The following ATRNL1 variants were observed in gnomAD, a reference collection of about 807,000 sequenced individuals.
ATRNL1 encodes the protein attractin-like protein 1.
A neutral mutation model predicts 182.7 loss-of-function variants in ATRNL1; 95 were observed. The observed-to-expected ratio is 0.52, with a 90% confidence interval of 0.44 to 0.62. The LOEUF (loss-of-function observed/expected upper bound fraction) is 0.62, where lower values mean the gene tolerates loss of function less well. Ranked by LOEUF, ATRNL1 falls within the 20% of genes least tolerant of loss-of-function variation. The pLI, the probability that ATRNL1 is intolerant of heterozygous loss-of-function variation, is 0.00. For synonymous variants in ATRNL1, 576 were observed against 568.3 expected, an observed-to-expected ratio of 1.01 and a Z score of -0.19; for missense variants, 1,471 against 1,679.5, an observed-to-expected ratio of 0.88 and a Z score of 2.17.
At position 115,184,200 on chromosome 10, in the gene ATRNL1, C is replaced by T. The variant is rs1554888336; in HGVS notation, c.1348+12908C>T. ...ATTAAAAAAATCACATTTCTAATAA[C>T]GCTTGAGAAAATGGGAATGGATGGC... On this transcript the variant is annotated intron_variant, in intron 8 of 28. Coordinates refer to ENST00000355044, the MANE Select transcript of ATRNL1 (RefSeq NM_207303.4). 4.0e-5 allele frequency among the ~76,000 whole-genome samples: 6 copies of T among 151,202 alleles called. No homozygotes were observed. The South Asian group carries it at 6.2e-4, about 16-fold the overall frequency.
intron 8 of ATRNL1, among the ~76,000 whole-genome samples, chr10:115,196,082 G>A (rs1293415074): frequency 2.0e-5 from 3 of 152,048 alleles, no homozygotes; most frequent in African/African-American, 7.2e-5. Context: ...GACTGCTGGA[G>A]CCCAAGAGTT....
At chr10:115,370,389 G>C (rs1857330776) in intron 19 of ATRNL1, among the ~76,000 whole-genome samples, 2 of 152,186 alleles carry the variant, frequency 1.3e-5, no homozygotes, top group African/African-American at 4.8e-5. Flanking sequence ...GTGGGAAAGT[G>C]TGGAACTCCC....
In ATRNL1 at chr10:115,160,219, GTATT is replaced by G. The variant is rs782651559; in HGVS notation, c.1004+11_1004+14del. ...TTCTTTTCAAATGGTCCTAAAGTAA[GTATT>G]TATTTTCAGATTCTTGCTGTTTTTT... On this transcript the variant is annotated splice_donor_region_variant and intron_variant, in intron 6 of 28. Transcript: ENST00000355044. 15 of 1,576,174 alleles carry G rather than the reference GTATT, an allele frequency of 9.5e-6. No homozygotes were observed. The South Asian group carries it at 1.8e-4, about 18-fold the overall frequency.
chr10:115,905,387 A>ATTT (rs112510400), intron 28 of ATRNL1, among the ~76,000 whole-genome samples: 1 of 142,332 alleles, frequency 7.0e-6, no homozygotes, highest in African/African-American at 2.6e-5. Context: ...CACCCAGCTA[A>ATTT]TTTTTTTTTT....
At chr10:115,879,305 C>CAAAAAAAAAAAAAAAA (rs140716871) in intron 28 of ATRNL1, among the ~76,000 whole-genome samples, 2 of 107,992 alleles carry the variant, frequency 1.9e-5, no homozygotes, top group Admixed American at 1.0e-4. Flanking sequence ...CTCTCTATCT[C>CAAAAAAAAAAAAAAAA]AAAAAAAAAA....
chr10:115,326,270 A>C (rs1275808377), intron 18 of ATRNL1, among the ~76,000 whole-genome samples: 1 of 152,162 alleles, frequency 6.6e-6, no homozygotes, highest in Non-Finnish European at 1.5e-5. Flanking sequence ...AAAAATCACA[A>C]GCATTCTTAT....
chr10:115,724,255 C>A (rs1947525943), intron 26 of ATRNL1, among the ~76,000 whole-genome samples: 1 of 152,148 alleles, frequency 6.6e-6, no homozygotes, highest in African/African-American at 2.4e-5. Context: ...TGGTGGAAGG[C>A]AGTTCCAAAT....
intron 26 of ATRNL1, among the ~76,000 whole-genome samples, chr10:115,568,398 A>G (rs1854193740): frequency 6.6e-6 from 1 of 152,238 alleles, no homozygotes; most frequent in Non-Finnish European, 1.5e-5. Flanking sequence ...AGGATGCCCA[A>G]TTACTAAAGC....
intron 26 of ATRNL1, among the ~76,000 whole-genome samples, chr10:115,651,752 G>A (rs566852610): frequency 4.2e-4 from 64 of 152,268 alleles, no homozygotes; most frequent in African/African-American, 1.4e-3. Flanking sequence ...TTAATAAGAA[G>A]ATGCAATGAT....
chr10:115,110,697 A>G (rs1844219238), intron 1 of ATRNL1, among the ~76,000 whole-genome samples: 1 of 152,240 alleles, frequency 6.6e-6, no homozygotes, highest in African/African-American at 2.4e-5. Context: ...ATATTTAGCA[A>G]TACATAGTTG....
intron 27 of ATRNL1, among the ~76,000 whole-genome samples, chr10:115,800,220 C>CAA (rs879958061): frequency 9.9e-5 from 10 of 101,328 alleles, no homozygotes; most frequent in African/African-American, 3.1e-4. Context: ...AACTCCATCT[C>CAA]AAAAAAAAAA....
At chr10:115,424,285 T>C (rs1554962468) in intron 20 of ATRNL1, among the ~76,000 whole-genome samples, 4 of 152,112 alleles carry the variant, frequency 2.6e-5, no homozygotes, top group Admixed American at 2.0e-4. Context: ...AAATAACAAA[T>C]ACTGGCGAGG....
rs1299718267 is a variant in ATRNL1 at position 115,201,662 on chromosome 10, A to C, written c.1349-14035A>C. 2.6e-5 allele frequency among the ~76,000 whole-genome samples: 4 copies of C among 151,912 alleles called. No individual in the cohort carries two copies. In the South Asian group the frequency reaches 6.2e-4, roughly 24 times the overall value. ...TGTAGTATAGTTTGAAGTCAGGTAG[A>C]GTGATGCCTCCAGCTTTGTTCTTTT... On this transcript the variant is annotated intron_variant, in intron 8 of 28. Coordinates refer to ENST00000355044, the MANE Select transcript of ATRNL1 (RefSeq NM_207303.4).
intron 26 of ATRNL1, among the ~76,000 whole-genome samples, chr10:115,638,121 A>G (rs1406977690): frequency 6.6e-6 from 1 of 152,092 alleles, no homozygotes; most frequent in Non-Finnish European, 1.5e-5. Flanking sequence ...TGCAAACTTC[A>G]TTCATGATAA....
intron 26 of ATRNL1, among the ~76,000 whole-genome samples, chr10:115,699,699 G>A (rs1555050911): frequency 1.3e-5 from 2 of 152,084 alleles, no homozygotes; most frequent in Non-Finnish European, 2.9e-5. Flanking sequence ...AATAATTGCA[G>A]CTTTTATTTT....
rs1230548998 is a variant in ATRNL1, at chr10:115,945,980, TA to T, written c.*1205del. On this transcript the variant is annotated 3_prime_UTR_variant, in exon 29 of 29. Coordinates refer to ENST00000355044, the MANE Select transcript of ATRNL1 (RefSeq NM_207303.4). ...TCTGAATTATGGCAGAAAGGAAAAA[TA>T]AAACATACTTCACATTAGAACACAG... 6.6e-6 allele frequency: 1 copy of T among 152,120 alleles called. No homozygotes were observed. Among genetic ancestry groups the T allele is most frequent in the East Asian group, 1.9e-4 (1 of 5,186 alleles). 9.4% of individuals were successfully genotyped at this position (152,120 alleles called of 1,614,324 possible).
chr10:115,868,819 A>ATTTTTTTTTTTTTTTTTTTT (rs1555105343), intron 28 of ATRNL1, among the ~76,000 whole-genome samples: 1 of 98,286 alleles, frequency 1.0e-5, no homozygotes, highest in Non-Finnish European at 2.1e-5. Context: ...GCAAGTCTTT[A>ATTTTTTTTTTTTTTTTTTTT]TTCTTTTTTT....
At chr10:115,350,334 C>CAAAAAAAAAAAAAAAAAAAA (rs1424122017) in intron 19 of ATRNL1, among the ~76,000 whole-genome samples, 1 of 29,742 alleles carries the variant, frequency 3.4e-5, no homozygotes, top group Non-Finnish European at 5.2e-5. Flanking sequence ...GACTCTGTCT[C>CAAAAAAAAAAAAAAAAAAAA]AAAAAAAAAA....
At chr10:115,482,393 G>A (rs1848810058) in intron 24 of ATRNL1, among the ~76,000 whole-genome samples, 1 of 150,928 alleles carries the variant, frequency 6.6e-6, no homozygotes, top group Non-Finnish European at 1.5e-5. Context: ...AAACACTTAT[G>A]TAAGATAATG....
Sources: gnomAD v4.1 joint callset for allele counts (sites outside exome capture counted in the v4.1 genomes callset) on GRCh38, gnomAD v4.1.1 for gene constraint, MANE v1.5 for transcripts, NCBI Gene and HGNC (gene_info 2026-07-23, HGNC 2026-07-21) for gene names.